The following CFAP61 variants were observed in gnomAD, a reference collection of about 807,000 sequenced individuals.
CFAP61 encodes the protein cilia and flagella associated protein 61.
Under a neutral mutation model 135.6 loss-of-function variants are expected in CFAP61, and 107 were observed. That is an observed-to-expected ratio of 0.79 (90% CI 0.67 to 0.93). The LOEUF is 0.93. Ranked by LOEUF, CFAP61 falls within the 40% of genes least tolerant of loss-of-function variation. The pLI, the probability that CFAP61 is intolerant of heterozygous loss-of-function variation, is 0.00. For synonymous variants in CFAP61, 575 were observed against 578.5 expected (o/e 0.99, Z 0.09); for missense variants, 1,507 against 1,556.2 (o/e 0.97, Z 0.53).
intron 25 of CFAP61, among the ~76,000 whole-genome samples, chr20:20,331,865 A>G (rs2058012286): frequency 6.6e-6 from 1 of 152,212 alleles, no homozygotes; most frequent in Non-Finnish European, 1.5e-5. Flanking sequence ...GCCTAATTAA[A>G]GGAAAATGGT....
intron 21 of CFAP61, among the ~76,000 whole-genome samples, chr20:20,271,708 A>T (rs545299605): frequency 2.0e-5 from 3 of 152,196 alleles, no homozygotes; most frequent in Admixed American, 6.5e-5. Context: ...GAAAACTGCC[A>T]TGGTTATATT....
At chr20:20,308,245 G>A (rs1023996463) in intron 25 of CFAP61, among the ~76,000 whole-genome samples, 4 of 152,312 alleles carry the variant, frequency 2.6e-5, no homozygotes, top group East Asian at 3.9e-4. Context: ...TCTATGAACA[G>A]TCGTTCCCTA....
chr20:20,291,447 T>C (rs1006818771), intron 24 of CFAP61, among the ~76,000 whole-genome samples: 1 of 152,216 alleles, frequency 6.6e-6, no homozygotes, highest in African/African-American at 2.4e-5. Context: ...TTCTTTCACT[T>C]AGTAATATCC....
At chr20:20,284,584 C>T (rs1427403226) in intron 22 of CFAP61, among the ~76,000 whole-genome samples, 1 of 152,182 alleles carries the variant, frequency 6.6e-6, no homozygotes, top group Non-Finnish European at 1.5e-5. Flanking sequence ...CGCGCCCGGC[C>T]TTCAATTGGC....
intron 9 of CFAP61, among the ~76,000 whole-genome samples, chr20:20,153,452 A>G (rs1243713784): frequency 6.6e-6 from 1 of 152,168 alleles, no homozygotes; most frequent in African/African-American, 2.4e-5. Context: ...AAAGATAAAC[A>G]AAATTGATAG....
At chr20:20,140,529 CT>C (rs1400774594) in intron 8 of CFAP61, among the ~76,000 whole-genome samples, 2 of 152,002 alleles carry the variant, frequency 1.3e-5, no homozygotes, top group African/African-American at 4.8e-5. Context: ...TGAACTCATC[CT>C]TTTTTATGGC....
At chr20:20,128,801 A>G (rs2050276874) in intron 8 of CFAP61, among the ~76,000 whole-genome samples, 1 of 151,690 alleles carries the variant, frequency 6.6e-6, no homozygotes, top group Non-Finnish European at 1.5e-5. Context: ...CATGAGGCCT[A>G]TGAAAAACAC....
chr20:20,148,727 TATC>T (rs1269662211), intron 9 of CFAP61, among the ~76,000 whole-genome samples: 1 of 152,208 alleles, frequency 6.6e-6, no homozygotes, highest in Non-Finnish European at 1.5e-5. Context: ...TATGTGATCA[TATC>T]ATCAGGAAAC....
At chr20:20,355,823 A>G (rs113805158) in intron 26 of CFAP61, among the ~76,000 whole-genome samples, 43 of 97,644 alleles carry the variant, frequency 4.4e-4, no homozygotes, top group African/African-American at 1.6e-3. Flanking sequence ...GTGAGCAGAG[A>G]TGGTCACACT....
chr20:20,214,600 A>G (rs2047908403), intron 17 of CFAP61, among the ~76,000 whole-genome samples: 1 of 152,240 alleles, frequency 6.6e-6, no homozygotes, highest in African/African-American at 2.4e-5. Flanking sequence ...ATTCTCCCCA[A>G]CAATGGAGGA....
At chr20:20,278,657 T>C (rs1014686686) in intron 22 of CFAP61, among the ~76,000 whole-genome samples, 10 of 152,182 alleles carry the variant, frequency 6.6e-5, no homozygotes, top group African/African-American at 2.2e-4. Context: ...AAGTCAGGGC[T>C]TCTCACTCAG....
At chr20:20,237,027 ATC>A (rs1405076973) in intron 18 of CFAP61, among the ~76,000 whole-genome samples, 1 of 152,250 alleles carries the variant, frequency 6.6e-6, no homozygotes, top group Non-Finnish European at 1.5e-5. Context: ...TTTCATTTTC[ATC>A]TGTTTTGCCA....
chr20:20,127,899 G>GT (rs991285748), intron 8 of CFAP61, among the ~76,000 whole-genome samples: 2 of 151,566 alleles, frequency 1.3e-5, no homozygotes, highest in Non-Finnish European at 1.5e-5. Context: ...AGGTTCCCAG[G>GT]TAAGTGGAGT....
intron 20 of CFAP61, among the ~76,000 whole-genome samples, chr20:20,261,002 G>A (rs1228876234): frequency 6.6e-6 from 1 of 152,086 alleles, no homozygotes; most frequent in Non-Finnish European, 1.5e-5. Context: ...CATTTTAGTG[G>A]GGTATTACTA....
At chr20:20,218,661 T>C (rs1381822914) in intron 17 of CFAP61, among the ~76,000 whole-genome samples, 1 of 152,240 alleles carries the variant, frequency 6.6e-6, no homozygotes, top group South Asian at 2.1e-4. Flanking sequence ...TGCATTTTAT[T>C]TGTTTACTTG....
intron 9 of CFAP61, among the ~76,000 whole-genome samples, chr20:20,156,300 AAAAC>A (rs2146788882): frequency 6.6e-6 from 1 of 152,340 alleles, no homozygotes; most frequent in East Asian, 1.9e-4. Context: ...AAACTAAAAA[AAAAC>A]CATATGTTTA....
chr20:20,276,847 A>G (rs1175456700), intron 21 of CFAP61, among the ~76,000 whole-genome samples: 2 of 152,232 alleles, frequency 1.3e-5, no homozygotes, highest in South Asian at 2.1e-4. Context: ...GGTTTCCTTA[A>G]TAAGTATAGC....
intron 7 of CFAP61, chr20:20,094,584 T>C (rs969287644): frequency 6.6e-6 from 1 of 152,290 alleles, no homozygotes; most frequent in Non-Finnish European, 1.5e-5. Flanking sequence ...TTTCACACTT[T>C]CAGTGTGTGT....
chr20:20,325,653 A>T (rs1213550465), intron 25 of CFAP61, among the ~76,000 whole-genome samples: 1 of 152,188 alleles, frequency 6.6e-6, no homozygotes, highest in African/African-American at 2.4e-5. Context: ...AAGTTTTGGC[A>T]ATTATGAATA....
Sources: allele counts gnomAD v4.1 joint callset (sites outside exome capture counted in the v4.1 genomes callset), GRCh38; gene constraint gnomAD v4.1.1; transcripts MANE v1.5; gene names NCBI Gene and HGNC (gene_info 2026-07-23, HGNC 2026-07-21).